WDR72: variants seen among roughly 807,000 people sequenced by gnomAD.
WDR72 encodes WD repeat domain 72.
Under a neutral mutation model 124.2 loss-of-function variants are expected in WDR72, and 120 were observed. That is an observed-to-expected ratio of 0.97 (90% CI 0.83 to 1.12). The LOEUF (loss-of-function observed/expected upper bound fraction) is 1.12. WDR72 is among the 50% of genes most tolerant of loss of function. WDR72 has a pLI of 0.00. For missense variants in WDR72, 1,387 were observed against 1,278.8 expected, an observed-to-expected ratio of 1.08 and a Z score of -1.29; for synonymous variants, 452 against 441.7, an observed-to-expected ratio of 1.02 and a Z score of -0.29.
intron 18 of WDR72, among the ~76,000 whole-genome samples, chr15:53,563,998 A>G (rs1894213523): frequency 6.6e-6 from 1 of 151,892 alleles, no homozygotes; most frequent in Non-Finnish European, 1.5e-5. Flanking sequence ...CTTGATGTAT[A>G]AGTGAAGTGT....
chr15:53,725,353 G>C (rs561304024), intron 2 of WDR72, among the ~76,000 whole-genome samples: 1 of 152,324 alleles, frequency 6.6e-6, no homozygotes, highest in South Asian at 2.1e-4. Flanking sequence ...CTCACTGCTA[G>C]TGAGAATGCA....
chr15:53,669,987 G>A (rs1320512179), intron 13 of WDR72, among the ~76,000 whole-genome samples: 1 of 152,070 alleles, frequency 6.6e-6, no homozygotes, highest in Non-Finnish European at 1.5e-5. Context: ...TTATTCATTT[G>A]AATCAATCTG....
intron 18 of WDR72, among the ~76,000 whole-genome samples, chr15:53,573,671 G>A (rs1566965964): frequency 6.6e-6 from 1 of 151,892 alleles, no homozygotes; most frequent in Non-Finnish European, 1.5e-5. Flanking sequence ...TCAGCCTCCT[G>A]AGTAGTTGGG....
At position 53,734,142 on chromosome 15, in the gene WDR72, T is replaced by C. The variant is rs528577086; in HGVS notation, c.-12-981A>G. On this transcript the variant is annotated intron_variant, in intron 1 of 19. Transcript: ENST00000360509. ...GATACATGTTATTTCTAATGTTCAA[T>C]TATATGTCTACACACACACACACAC... 1.4e-4 allele frequency among the ~76,000 whole-genome samples: 21 copies of C among 150,192 alleles called. No individual in the cohort carries two copies. In the South Asian group the frequency reaches 4.2e-3, roughly 30 times the overall value.
intron 18 of WDR72, among the ~76,000 whole-genome samples, chr15:53,573,659 C>T (rs978263046): frequency 2.6e-5 from 4 of 152,102 alleles, no homozygotes; most frequent in African/African-American, 9.7e-5. Flanking sequence ...GATGCTCCTG[C>T]CTCAGCCTCC....
In WDR72 at chr15:53,514,136, A is replaced by T. The variant is rs1004894402; in HGVS notation, c.*3563T>A. 2 of 152,238 alleles carry T rather than the reference A, an allele frequency of 1.3e-5. No homozygotes were observed. The highest frequency in any genetic ancestry group is 4.8e-5 in the African/African-American group (2 of 41,470). 9.4% of individuals were successfully genotyped at this position (152,238 alleles called of 1,614,324 possible). On this transcript the variant is annotated 3_prime_UTR_variant, in exon 20 of 20. Transcript: ENST00000360509. ...ACTCTTTTGGTTAAGCTAATTTTTT[A>T]AAATTACAAAAAACACTAAGTATTA...
chr15:53,610,736 A>G (rs2013504465), intron 16 of WDR72, among the ~76,000 whole-genome samples: 1 of 152,130 alleles, frequency 6.6e-6, no homozygotes, highest in Non-Finnish European at 1.5e-5. Flanking sequence ...ATATAAATGT[A>G]AAATGACCAA....
intron 11 of WDR72, among the ~76,000 whole-genome samples, chr15:53,703,745 C>T (rs74018743): frequency 0.026 from 3,953 of 152,076 alleles, 87 homozygotes; most frequent in African/African-American, 0.052. Flanking sequence ...CTCCCCCAAA[C>T]TGGAAAGAAC....
intron 2 of WDR72, among the ~76,000 whole-genome samples, chr15:53,727,704 C>A (rs928299059): frequency 6.6e-6 from 1 of 152,148 alleles, no homozygotes; most frequent in Admixed American, 6.5e-5. Context: ...ATATTCCCTC[C>A]TCCAGAGAAA....
chr15:53,711,195 C>G, intron 8 of WDR72, 141 bp downstream of exon 8: 2 of 1,224,142 alleles, frequency 1.6e-6, no homozygotes, highest in Non-Finnish European at 2.4e-6. Context: ...GCCTACCAAG[C>G]CCAGAGTAAA....
chr15:53,580,660 G>A (rs2140317102), intron 18 of WDR72, among the ~76,000 whole-genome samples: 1 of 152,024 alleles, frequency 6.6e-6, no homozygotes, highest in Non-Finnish European at 1.5e-5. Flanking sequence ...TGTGACTTGA[G>A]CCTTGAAACA....
intron 19 of WDR72, among the ~76,000 whole-genome samples, chr15:53,518,846 G>A (rs1267394575): frequency 1.3e-5 from 2 of 151,868 alleles, no homozygotes; most frequent in African/African-American, 4.8e-5. Flanking sequence ...TTGGTCATCA[G>A]ACTCATGCAA....
chr15:53,528,962 T>A (rs1474716500), intron 18 of WDR72, among the ~76,000 whole-genome samples: 3 of 151,834 alleles, frequency 2.0e-5, no homozygotes, highest in Non-Finnish European at 4.4e-5. Context: ...TTTTTAAAAA[T>A]CAATGATTAA....
chr15:53,566,541 C>T (rs1053219020), intron 18 of WDR72, among the ~76,000 whole-genome samples: 2 of 151,790 alleles, frequency 1.3e-5, no homozygotes, highest in African/African-American at 4.8e-5. Flanking sequence ...GGTAGGAGAA[C>T]AGTCTAGTCT....
intron 9 of WDR72, among the ~76,000 whole-genome samples, chr15:53,709,189 T>C (rs1380857158): frequency 2.6e-5 from 4 of 152,250 alleles, no homozygotes; most frequent in Non-Finnish European, 5.9e-5. Context: ...TTACATTTAG[T>C]GAACACTAGT....
chr15:53,528,209 T>C (rs894573477), intron 18 of WDR72, among the ~76,000 whole-genome samples: 1 of 152,066 alleles, frequency 6.6e-6, no homozygotes, highest in African/African-American at 2.4e-5. Context: ...CAGGAAAACT[T>C]ATCTGGCTAA....
intron 18 of WDR72, among the ~76,000 whole-genome samples, chr15:53,555,116 T>C (rs1893877072): frequency 1.3e-5 from 2 of 151,878 alleles, no homozygotes; most frequent in South Asian, 4.1e-4. Context: ...TCATCTGAGA[T>C]GGAGAAGCAA....
At chr15:53,616,508 CA>C (rs2013773328) in intron 14 of WDR72, among the ~76,000 whole-genome samples, 1 of 151,678 alleles carries the variant, frequency 6.6e-6, no homozygotes, top group South Asian at 2.1e-4. Context: ...AGTAAGATGG[CA>C]CTAGATTAAC....
intron 18 of WDR72, among the ~76,000 whole-genome samples, chr15:53,577,444 C>T (rs986549960): frequency 6.6e-6 from 1 of 152,074 alleles, no homozygotes; most frequent in Non-Finnish European, 1.5e-5. Flanking sequence ...TGACTCAATA[C>T]CATGTCATTT....
Sources: gnomAD v4.1 joint callset for allele counts (sites outside exome capture counted in the v4.1 genomes callset) on GRCh38, gnomAD v4.1.1 for gene constraint, MANE v1.5 for transcripts, NCBI Gene and HGNC (gene_info 2026-07-23, HGNC 2026-07-21) for gene names.